Variants in PRRC2B observed in about 807,000 individuals in gnomAD.
PRRC2B encodes the protein proline rich coiled-coil 2B.
PRRC2B carries 68 observed loss-of-function variants against 242.3 expected under a neutral mutation model. That is an observed-to-expected ratio of 0.28 (90% confidence interval 0.23 to 0.34). PRRC2B has a LOEUF of 0.34. Among genes scored for constraint, PRRC2B ranks in the 10% least tolerant of loss-of-function variants. The probability of loss-of-function intolerance (pLI) is 1.00; values close to 1 mark genes in which losing one functional copy is unlikely to be tolerated. For synonymous variants in PRRC2B, 1,228 were observed against 1,173.6 expected, an observed-to-expected ratio of 1.05 and a Z score of -0.95; for missense variants, 2,835 against 2,954.8, an observed-to-expected ratio of 0.96 and a Z score of 0.94.
At chr9:131,448,666 C>CT (rs1180155883) in intron 9 of PRRC2B, among the ~76,000 whole-genome samples, 1 of 151,428 alleles carries the variant, frequency 6.6e-6, no homozygotes, top group Non-Finnish European at 1.5e-5. Context: ...ACTCTTCCTC[C>CT]TTCCTCAGCC....
At chr9:131,409,839 C>A (rs150619380) in intron 1 of PRRC2B, among the ~76,000 whole-genome samples, 64 of 152,304 alleles carry the variant, frequency 4.2e-4, no homozygotes, top group African/African-American at 1.5e-3. Context: ...AAGGAACAAT[C>A]CAATACAAAT....
intron 1 of PRRC2B, among the ~76,000 whole-genome samples, chr9:131,420,561 G>A (rs1439452571): frequency 4.4e-5 from 6 of 135,788 alleles, no homozygotes; most frequent in South Asian, 2.5e-4. Flanking sequence ...GCATGATCTC[G>A]GCTCACTGCA....
intron 1 of PRRC2B, among the ~76,000 whole-genome samples, chr9:131,395,535 C>T (rs1046147826): frequency 2.0e-5 from 3 of 152,204 alleles, no homozygotes; most frequent in African/African-American, 4.8e-5. Flanking sequence ...TCGGGGCGTG[C>T]ACCCTCCACC....
rs565303794 is a variant in PRRC2B at position 131,436,743 on chromosome 9, C to T, written c.396+21C>T. ...AGGAGGTAGGTGCTGGGACCCCATC[C>T]CAACTGTTTCCTGGGCATGGTAGCC... On this transcript the variant is annotated intron_variant, in intron 4 of 31. Transcript: ENST00000683519. The T allele has an allele frequency of 7.0e-6, 11 of 1,582,016 alleles. No homozygotes were observed. In the African/African-American group the frequency reaches 9.4e-5, roughly 14 times the overall value.
intron 2 of PRRC2B, among the ~76,000 whole-genome samples, chr9:131,430,992 C>T (rs1838148363): frequency 6.6e-6 from 1 of 151,350 alleles, no homozygotes; most frequent in Non-Finnish European, 1.5e-5. Context: ...CTCTTATTGC[C>T]CATGCTGGAG....
Position 131,455,176 on chromosome 9 carries a change from C to T in PRRC2B, c.1211+10C>T, listed in dbSNP as rs770320601. The T allele has an allele frequency of 2.1e-5, 33 of 1,595,674 alleles. No homozygotes were observed. Among genetic ancestry groups the T allele is most frequent in the South Asian group, 1.4e-4 (13 of 90,326 alleles). The stretch of plus-strand genomic sequence containing the variant: ...ACGGCAGGCCAAAGTGGTAAGGACC[C>T]GTTCCTGCCCTATCAGCATGAGTGC... On this transcript the variant is annotated intron_variant, in intron 10 of 31. Transcript: ENST00000683519.
upstream of PRRC2B, among the ~76,000 whole-genome samples, chr9:131,393,038 A>C (rs896616188): frequency 6.6e-6 from 1 of 152,188 alleles, no homozygotes; most frequent in African/African-American, 2.4e-5. Flanking sequence ...TCTACTCCCC[A>C]AAAACTAAGC....
intron 4 of PRRC2B, 113 bp from the exon 5 acceptor site, chr9:131,438,876 C>T (rs545856755): frequency 1.6e-5 from 12 of 760,840 alleles, no homozygotes; most frequent in East Asian, 1.4e-4. Flanking sequence ...TGGATGGATC[C>T]GTATAGGGTT....
chr9:131,389,581 T>C (rs569025089), upstream of PRRC2B, among the ~76,000 whole-genome samples: 18 of 150,544 alleles, frequency 1.2e-4, 3 homozygotes, highest in East Asian at 3.6e-3. Context: ...GTGGTGACAG[T>C]AGGGGAAGGG....
At chr9:131,455,659 A>AT (rs1005232593) in intron 10 of PRRC2B, among the ~76,000 whole-genome samples, 12 of 151,634 alleles carry the variant, frequency 7.9e-5, no homozygotes, top group African/African-American at 2.7e-4. Context: ...AGGACCACAG[A>AT]TGCACGCCAG....
chr9:131,487,859 T>G lies in PRRC2B; in HGVS notation c.5988T>G (p.Ser1996=). The G allele has an allele frequency of 6.2e-7, 1 of 1,607,492 alleles. No homozygotes were observed. Among genetic ancestry groups the G allele is most frequent in the Non-Finnish European group, 8.5e-7 (1 of 1,174,624 alleles). The part of the protein sequence containing the change: ...EIFSSLQPFR[S]QVYMHPSLSP... ...ACCATCTGTCTGGCTTTTGCAGATCTCAGGTGTACATGCACCCCAGCCTGT... is the reference window on the plus strand; with the variant it reads ...ACCATCTGTCTGGCTTTTGCAGATCGCAGGTGTACATGCACCCCAGCCTGT... The change falls in exon 28 of 32, where the codon TCT becomes TCG. Residue 1996 remains serine (S), a synonymous_variant. Coordinates refer to ENST00000683519, the MANE Select transcript of PRRC2B (RefSeq NM_013318.4). This position sits in a 1 kb window ranked among gnomAD's most constrained non-coding sequence, Gnocchi z 5.3.
chr9:131,444,554 C>T (rs752456477), intron 6 of PRRC2B, among the ~76,000 whole-genome samples: 4 of 152,150 alleles, frequency 2.6e-5, no homozygotes, highest in Non-Finnish European at 5.9e-5. Flanking sequence ...GGCCTGTCCC[C>T]TCCCCCTCTG....
chr9:131,416,732 G>A (rs972343993), intron 1 of PRRC2B, among the ~76,000 whole-genome samples: 3 of 151,718 alleles, frequency 2.0e-5, no homozygotes, highest in Non-Finnish European at 4.4e-5. Context: ...GAGGCATACC[G>A]ATCAGATATT....
intron 28 of PRRC2B, among the ~76,000 whole-genome samples, chr9:131,489,731 G>GGT (rs1459950356): frequency 1.3e-5 from 2 of 152,162 alleles, no homozygotes; most frequent in East Asian, 3.9e-4. Context: ...TCCCTGCCTA[G>GGT]GTGCTGCCTG....
intron 5 of PRRC2B, among the ~76,000 whole-genome samples, chr9:131,440,143 A>G (rs1469926240): frequency 6.6e-6 from 1 of 152,136 alleles, no homozygotes; most frequent in Non-Finnish European, 1.5e-5. Flanking sequence ...CTGGGCTCAA[A>G]TGATCCTCCT....
At chr9:131,386,089 T>C (rs567801180) in intron 1 of PRRC2B, among the ~76,000 whole-genome samples, 6 of 149,232 alleles carry the variant, frequency 4.0e-5, no homozygotes, top group African/African-American at 1.2e-4. Flanking sequence ...CATTGAGTTT[T>C]ACGGGGCAAG....
intron 14 of PRRC2B, among the ~76,000 whole-genome samples, 197 bp from the exon 15 acceptor site, chr9:131,473,311 C>A (rs554412367): frequency 6.6e-5 from 10 of 152,266 alleles, no homozygotes; most frequent in African/African-American, 2.4e-4. Flanking sequence ...TTGAACCAGG[C>A]AGGGTGCATG....
At chr9:131,402,700 A>G (rs147881942) in intron 1 of PRRC2B, among the ~76,000 whole-genome samples, 1 of 152,280 alleles carries the variant, frequency 6.6e-6, no homozygotes, top group African/African-American at 2.4e-5. Context: ...CAGGGAAGGC[A>G]TTCTGGAAAA....
At chr9:131,435,368 A>C (rs1313527749) in intron 3 of PRRC2B, among the ~76,000 whole-genome samples, 1 of 152,008 alleles carries the variant, frequency 6.6e-6, no homozygotes, top group Non-Finnish European at 1.5e-5. Context: ...TAATCCCAGC[A>C]CTTTGGGAGG....
Sources: gnomAD v4.1 joint callset for allele counts (sites outside exome capture counted in the v4.1 genomes callset) on GRCh38, gnomAD v4.1.1 for gene constraint, Gnocchi (gnomAD v3.1) non-coding constraint, MANE v1.5 for transcripts, NCBI Gene and HGNC (gene_info 2026-07-23, HGNC 2026-07-21) for gene names.